PPP2R1B: variants seen among roughly 807,000 people sequenced by gnomAD.
PPP2R1B encodes serine/threonine-protein phosphatase 2A 65 kDa regulatory subunit A beta isoform.
Under a neutral mutation model 72.7 loss-of-function variants are expected in PPP2R1B, and 58 were observed. The observed-to-expected ratio is 0.80, with a 90% CI of 0.65 to 0.99. PPP2R1B has a LOEUF of 0.99. PPP2R1B is among the 50% of genes least tolerant of loss of function. The pLI is 0.00. For missense variants in PPP2R1B, 695 were observed against 733.6 expected, an observed-to-expected ratio of 0.95 and a Z score of 0.61; for synonymous variants, 256 against 264.6, an observed-to-expected ratio of 0.97 and a Z score of 0.32.
chr11:111,724,199 TA>T, downstream of PPP2R1B: 1 of 1,524,800 alleles, frequency 6.6e-7, no homozygotes, highest in Non-Finnish European at 8.8e-7. Flanking sequence ...TCCAGCCTTT[TA>T]AATTTAAAGC....
downstream of PPP2R1B, chr11:111,723,736 G>A (rs1271059742): frequency 1.2e-6 from 2 of 1,614,132 alleles, no homozygotes; most frequent in Non-Finnish European, 1.7e-6. Context: ...AGTACCAAGA[G>A]ATGCAGCTTC....
chr11:111,747,859 CA>C, intron 11 of PPP2R1B, 94 bp downstream of exon 11: 1 of 1,187,816 alleles, frequency 8.4e-7, no homozygotes, highest in Non-Finnish European at 1.2e-6. Context: ...AATATTAAGG[CA>C]AAATATCTGG....
chr11:111,766,362 G>A lies in PPP2R1B; in HGVS notation c.-1C>T, dbSNP rs577007988. On this transcript the variant is annotated 5_prime_UTR_variant, in exon 1 of 15. Transcript: ENST00000527614. ...TCCCGAGCTCTGATGCGCCCGCCAT[G>A]TTCTTTCTCCTCCTGCTGCTGGTCA... The A allele has an allele frequency of 1.7e-5, 23 of 1,348,798 alleles. No homozygotes were observed. In the East Asian group the frequency reaches 5.4e-4, roughly 32 times the overall value. The allele number at this position is 1,348,798 out of a possible 1,614,324, so 83.6% of individuals were successfully genotyped here.
intron 3 of PPP2R1B, 164 bp from the exon 4 acceptor site, chr11:111,761,215 G>A (rs1945314578): frequency 1.4e-6 from 1 of 739,378 alleles, no homozygotes; most frequent in South Asian, 1.5e-5. Context: ...ATAACATATG[G>A]TGCGGCCAAC....
the PPP2R1B span, among the ~76,000 whole-genome samples, chr11:111,703,615 C>T: frequency 2.0e-5 from 3 of 152,172 alleles, no homozygotes; most frequent in Non-Finnish European, 2.9e-5. Flanking sequence ...TTCTTTGCCC[C>T]CATCTGCCAA....
intron 10 of PPP2R1B, among the ~76,000 whole-genome samples, chr11:111,748,737 A>T (rs782802735): frequency 6.6e-6 from 1 of 152,206 alleles, no homozygotes; most frequent in Non-Finnish European, 1.5e-5. Context: ...ACACATTTAC[A>T]GTCTTGCTTC....
chr11:111,707,773 T>C, the PPP2R1B span, among the ~76,000 whole-genome samples: 16 of 152,098 alleles, frequency 1.1e-4, no homozygotes, highest in Admixed American at 4.6e-4. Flanking sequence ...AGCAAAAAAA[T>C]TGAGGAAACA....
At chr11:111,729,399 C>G (rs1484610885) in intron 15 of PPP2R1B, 1 of 152,272 alleles carries the variant, frequency 6.6e-6, no homozygotes, top group Admixed American at 6.5e-5. Flanking sequence ...ATTAGTTTTA[C>G]CAAGCACTTT....
chr11:111,736,325 G>A (rs78127970), downstream of PPP2R1B, among the ~76,000 whole-genome samples: 1,380 of 152,310 alleles, frequency 9.1e-3, 24 homozygotes, highest in African/African-American at 0.031. Context: ...CACTCAGATC[G>A]GGTCATACCA....
downstream of PPP2R1B, chr11:111,725,176 C>A (rs1253620396): frequency 1.3e-5 from 2 of 152,612 alleles, no homozygotes; most frequent in Non-Finnish European, 2.9e-5. Context: ...GGTGCCTTTC[C>A]CCCAGATCAT....
the PPP2R1B span, chr11:111,701,722 C>T: frequency 1.0e-6 from 1 of 953,990 alleles, no homozygotes; most frequent in African/African-American, 1.7e-5. The surrounding 1 kb of genome is among the most constrained non-coding windows in gnomAD (Gnocchi z 4.2). Flanking sequence ...AAGAAGCAAC[C>T]TCCTTTATGT....
chr11:111,757,069 G>A (rs1349148251), intron 5 of PPP2R1B, among the ~76,000 whole-genome samples: 4 of 150,378 alleles, frequency 2.7e-5, no homozygotes, highest in Non-Finnish European at 5.9e-5. Flanking sequence ...AGCCGAGATC[G>A]CGCCACTGCA....
chr11:111,731,602 A>G lies in PPP2R1B; in HGVS notation c.1912-4545T>C, dbSNP rs183449000. 2.0e-5 allele frequency among the ~76,000 whole-genome samples: 3 copies of G among 152,338 alleles called. No homozygotes were observed. In the East Asian group the frequency reaches 5.8e-4, roughly 29 times the overall value. The stretch of plus-strand genomic sequence containing the variant: ...CACTCAAACCATTCCAATTAAGCCC[A>G]TGCTATAGAACATTGACAGTTCCCT... On this transcript the variant is annotated intron_variant, in intron 15 of 15. Coordinates refer to the PPP2R1B transcript ENST00000311129.
At chr11:111,701,309 T>A in the PPP2R1B span, 16 of 1,193,450 alleles carry the variant, frequency 1.3e-5, no homozygotes, top group Admixed American at 4.2e-4. The surrounding 1 kb of genome is among the most constrained non-coding windows in gnomAD (Gnocchi z 4.2). Context: ...GGGTTTTGGA[T>A]TTTTTTCAAA....
downstream of PPP2R1B, among the ~76,000 whole-genome samples, chr11:111,734,656 C>A (rs1043127486): frequency 6.6e-6 from 1 of 152,256 alleles, no homozygotes; most frequent in Non-Finnish European, 1.5e-5. Flanking sequence ...GACTGAACAT[C>A]CCTGGGCTTT....
At chr11:111,725,739 TA>T (rs926078311), downstream of PPP2R1B, 6 of 152,636 alleles carry the variant, frequency 3.9e-5, no homozygotes, top group African/African-American at 1.4e-4. Context: ...GTGGAAAGTC[TA>T]GGGGGTTCCA....
rs1944471970 is a variant in PPP2R1B, at chr11:111,740,215, G to GA, written c.*1380dup. The stretch of plus-strand genomic sequence containing the variant: ...TGAGACAAGGTGAGTTTGATTATGT[G>GA]AAAAATAGTTGTTTTTTTTTGAGAT... On this transcript the variant is annotated 3_prime_UTR_variant, in exon 15 of 15. Coordinates refer to ENST00000527614, the MANE Select transcript of PPP2R1B (RefSeq NM_002716.5). The GA allele has an allele frequency of 3.0e-6, 3 of 985,066 alleles. No individual in the cohort carries two copies. Among genetic ancestry groups the GA allele is most frequent in the Non-Finnish European group, 3.6e-6 (3 of 829,746 alleles). 61.0% of individuals were successfully genotyped at this position (985,066 alleles called of 1,614,324 possible). A position where few individuals can be genotyped will look rare whatever the true frequency, so the allele number is the denominator to read the frequency against.
chr11:111,753,471 G>A lies in PPP2R1B; in HGVS notation c.1136C>T (p.Pro379Leu). ...GKENTIEHLL[P>L]LFLAQLKDEC... ...ATCCTTTAACTGAGCTAAGAAAAGA[G>A]GTAGAAGATGTTCAATGGTATTTTC... The change falls in exon 9 of 15, where the codon CCT becomes CTT. Residue 379 changes from proline to leucine, a missense_variant. Physicochemically the swap from Pro to Leu is moderately conservative, Grantham distance 98. Transcript: ENST00000527614. The A allele has an allele frequency of 6.2e-7, 1 of 1,613,736 alleles. No homozygotes were observed. The highest frequency in any genetic ancestry group is 8.5e-7 in the Non-Finnish European group (1 of 1,179,886).
At chr11:111,763,355 T>C (rs1945397292) in intron 3 of PPP2R1B, among the ~76,000 whole-genome samples, 1 of 152,222 alleles carries the variant, frequency 6.6e-6, no homozygotes, top group African/African-American at 2.4e-5. Context: ...ACTGGGCATA[T>C]GATAATCCTA....
Sources: allele counts gnomAD v4.1 joint callset (sites outside exome capture counted in the v4.1 genomes callset), GRCh38; gene constraint gnomAD v4.1.1; non-coding constraint Gnocchi (gnomAD v3.1); transcripts MANE v1.5; gene names NCBI Gene and HGNC (gene_info 2026-07-23, HGNC 2026-07-21).